The following SLC4A4 variants were observed in gnomAD, a reference collection of about 807,000 sequenced individuals.
SLC4A4 encodes electrogenic sodium bicarbonate cotransporter 1.
In SLC4A4, 27 loss-of-function variants were observed where a neutral mutation model predicts 111.5. That is an observed-to-expected ratio of 0.24 (90% CI 0.18 to 0.33). The LOEUF is 0.33. SLC4A4 is among the 10% of genes least tolerant of loss of function. The probability of loss-of-function intolerance (pLI) is 1.00; values close to 1 mark genes in which losing one functional copy is unlikely to be tolerated. For missense variants in SLC4A4, 909 were observed against 1,315.5 expected, an observed-to-expected ratio of 0.69 and a Z score of 4.78; for synonymous variants, 443 against 463.4, an observed-to-expected ratio of 0.96 and a Z score of 0.57.
Position 71,455,482 on chromosome 4 carries a change from A to C in SLC4A4, c.1497+1813A>C, listed in dbSNP as rs541639923. 2.0e-5 allele frequency among the ~76,000 whole-genome samples: 3 copies of C among 152,322 alleles called. No homozygotes were observed. In the South Asian group the frequency reaches 6.2e-4, roughly 32 times the overall value. On this transcript the variant is annotated intron_variant, in intron 12 of 25. Transcript: ENST00000264485. ...ATGACAGCGTAAGGATAACTAAAAC[A>C]GATCGTTCAAGAAAAAAAATGGAGA...
At chr4:71,267,735 A>G (rs1722373421) in intron 3 of SLC4A4, among the ~76,000 whole-genome samples, 1 of 126,228 alleles carries the variant, frequency 7.9e-6, no homozygotes, top group Non-Finnish European at 1.6e-5. Context: ...CAGAGGTTGC[A>G]GTGAGCCGAG....
At chr4:71,134,458 C>T (rs2148963097) in intron 2 of SLC4A4, among the ~76,000 whole-genome samples, 1 of 152,352 alleles carries the variant, frequency 6.6e-6, no homozygotes, top group Non-Finnish European at 1.5e-5. Context: ...AGGGAGAAAG[C>T]TCTTTGGTGA....
At chr4:71,088,332 C>T (rs1742257829) in intron 1 of SLC4A4, among the ~76,000 whole-genome samples, 1 of 151,714 alleles carries the variant, frequency 6.6e-6, no homozygotes, top group African/African-American at 2.4e-5. Flanking sequence ...GAATATAGCA[C>T]ACTGATGGGT....
chr4:71,108,114 G>A (rs756225649), intron 2 of SLC4A4, among the ~76,000 whole-genome samples: 3 of 152,066 alleles, frequency 2.0e-5, no homozygotes, highest in Non-Finnish European at 4.4e-5. Context: ...TTTTTACAGT[G>A]TGTGTCCCAA....
chr4:71,193,603 G>A (rs1362899684), intron 1 of SLC4A4, among the ~76,000 whole-genome samples: 1 of 152,084 alleles, frequency 6.6e-6, no homozygotes, highest in African/African-American at 2.4e-5. Flanking sequence ...CTTACAAAAG[G>A]GGTTTTGTAT....
At chr4:71,183,008 TAATA>T (rs1745341267), upstream of SLC4A4, among the ~76,000 whole-genome samples, 1 of 152,244 alleles carries the variant, frequency 6.6e-6, no homozygotes, top group African/African-American at 2.4e-5. Context: ...AGAGCTTTCG[TAATA>T]AATATGTTGA....
chr4:71,369,774 A>G (rs1323485623), intron 6 of SLC4A4, among the ~76,000 whole-genome samples: 8 of 152,220 alleles, frequency 5.3e-5, no homozygotes, highest in Non-Finnish European at 1.0e-4. Flanking sequence ...ACAGGTTTCT[A>G]AACTGAGTAT....
At chr4:71,493,649 T>TC (rs1560558558) in intron 15 of SLC4A4, among the ~76,000 whole-genome samples, 2 of 150,776 alleles carry the variant, frequency 1.3e-5, no homozygotes, top group Non-Finnish European at 3.0e-5. Context: ...CTCTCTGTCT[T>TC]TCTCTCTCTC....
intron 1 of SLC4A4, among the ~76,000 whole-genome samples, chr4:71,084,608 T>C (rs1033538623): frequency 2.0e-5 from 3 of 151,904 alleles, no homozygotes; most frequent in South Asian, 2.1e-4. Context: ...CCTGTGTCCA[T>C]GTGTTCTCAT....
At chr4:71,221,792 A>G (rs373922450) in intron 1 of SLC4A4, among the ~76,000 whole-genome samples, 1 of 152,300 alleles carries the variant, frequency 6.6e-6, no homozygotes, top group East Asian at 1.9e-4. Flanking sequence ...AACATTGCTC[A>G]GCACCTTCAC....
Position 71,289,381 on chromosome 4 carries a change from A to C in SLC4A4, c.253+33982A>C, listed in dbSNP as rs148202788. 1.4e-4 allele frequency among the ~76,000 whole-genome samples: 22 copies of C among 152,326 alleles called. No homozygotes were observed. In the East Asian group the frequency reaches 3.7e-3, roughly 25 times the overall value. On this transcript the variant is annotated intron_variant, in intron 3 of 25. Transcript: ENST00000264485. ...GTCCAGCCATAACAACTACTTTGTTAATTACAACTAGTTAGTGGATACCTG... is the reference window on the plus strand; with the variant it reads ...GTCCAGCCATAACAACTACTTTGTTCATTACAACTAGTTAGTGGATACCTG...
intron 3 of SLC4A4, among the ~76,000 whole-genome samples, chr4:71,294,331 C>A (rs1330016297): frequency 2.0e-5 from 3 of 152,076 alleles, no homozygotes; most frequent in African/African-American, 7.2e-5. Flanking sequence ...ATTGTATTTC[C>A]CTTGGCATGT....
chr4:71,103,473 T>C (rs1266252619), intron 2 of SLC4A4, among the ~76,000 whole-genome samples: 25 of 152,168 alleles, frequency 1.6e-4, no homozygotes, highest in Admixed American at 1.6e-3. Context: ...TATACATTTT[T>C]TTCAGCACCA....
intron 9 of SLC4A4, among the ~76,000 whole-genome samples, chr4:71,448,692 G>A (rs1260392743): frequency 6.6e-6 from 1 of 152,174 alleles, no homozygotes; most frequent in East Asian, 1.9e-4. Context: ...GAGAAATACT[G>A]TTAGAATACA....
At chr4:71,240,152 C>T (rs186531805) in intron 2 of SLC4A4, among the ~76,000 whole-genome samples, 1 of 152,240 alleles carries the variant, frequency 6.6e-6, no homozygotes, top group East Asian at 1.9e-4. Flanking sequence ...TCCCAGGTAA[C>T]TTTTTCCAAA....
intron 3 of SLC4A4, among the ~76,000 whole-genome samples, chr4:71,255,718 CTCT>C: frequency 6.6e-6 from 1 of 152,108 alleles, no homozygotes; most frequent in Non-Finnish European, 1.5e-5. Flanking sequence ...AACTGGAAGA[CTCT>C]TAAAGAATTT....
intron 3 of SLC4A4, among the ~76,000 whole-genome samples, chr4:71,273,492 A>G (rs1445011426): frequency 6.6e-6 from 1 of 152,170 alleles, no homozygotes; most frequent in African/African-American, 2.4e-5. Context: ...AGTTTGGTTC[A>G]TAGTTGGTTT....
At chr4:71,392,177 T>G (rs909079055) in intron 6 of SLC4A4, among the ~76,000 whole-genome samples, 11 of 152,082 alleles carry the variant, frequency 7.2e-5, no homozygotes, top group African/African-American at 2.4e-4. Flanking sequence ...TTTTTCTTCT[T>G]GGATTTGGGT....
intron 2 of SLC4A4, among the ~76,000 whole-genome samples, chr4:71,100,716 A>C (rs1365339038): frequency 6.6e-6 from 1 of 152,214 alleles, no homozygotes; most frequent in East Asian, 1.9e-4. Context: ...TCACCCCAAA[A>C]GCTCCTTCAG....
Sources: allele counts gnomAD v4.1 joint callset (sites outside exome capture counted in the v4.1 genomes callset), GRCh38; gene constraint gnomAD v4.1.1; transcripts MANE v1.5; gene names NCBI Gene and HGNC (gene_info 2026-07-23, HGNC 2026-07-21).